The following CD8B variants were observed in gnomAD, a reference collection of about 807,000 sequenced individuals.
CD8B encodes the protein T-cell surface glycoprotein CD8 beta chain.
CD8B carries 6 observed loss-of-function variants against 24.2 expected under a neutral mutation model. That is an observed-to-expected ratio of 0.25 (90% CI 0.14 to 0.49). CD8B has a LOEUF of 0.49. Ranked by LOEUF, CD8B falls within the 20% of genes least tolerant of loss-of-function variation. The pLI is 0.98. For synonymous variants in CD8B, 84 were observed against 108.3 expected (o/e 0.78, Z 1.39); for missense variants, 196 against 271.3 (o/e 0.72, Z 1.95).
rs1473494416 is a variant in CD8B, at chr2:86,840,809, C to T, written c.*1498G>A. On this transcript the variant is annotated 3_prime_UTR_variant, in exon 6 of 6. Transcript: ENST00000390655. ...ACACTGCATCTATGCCTTTCTAACT[C>T]CACCCACCACACCTCATTCTGCTGC... is the stretch of plus-strand genomic sequence containing the variant. 6.6e-6 allele frequency among the ~76,000 whole-genome samples: 1 copy of T among 152,162 alleles called. No homozygotes were observed. The highest frequency in any genetic ancestry group is 2.4e-5 in the African/African-American group (1 of 41,454).
intron 3 of CD8B, among the ~76,000 whole-genome samples, chr2:86,852,624 C>A (rs985441532): frequency 4.6e-5 from 7 of 151,898 alleles, no homozygotes; most frequent in African/African-American, 1.7e-4. Context: ...TCATTTTATT[C>A]TTTATTATGG....
intron 5 of CD8B, among the ~76,000 whole-genome samples, chr2:86,826,218 C>A (rs1173952503): frequency 6.6e-6 from 1 of 151,954 alleles, no homozygotes; most frequent in Non-Finnish European, 1.5e-5. Flanking sequence ...TCCATCTGGG[C>A]CACAGGGGTG....
intron 1 of CD8B, among the ~76,000 whole-genome samples, chr2:86,861,069 A>G (rs1456484086): frequency 1.3e-5 from 2 of 152,194 alleles, no homozygotes; most frequent in Non-Finnish European, 2.9e-5. Context: ...TCACTGGGCC[A>G]GAACCCCCGG....
downstream of CD8B, among the ~76,000 whole-genome samples, chr2:86,837,618 G>A (rs1558754279): frequency 6.8e-6 from 1 of 146,902 alleles, no homozygotes; most frequent in Non-Finnish European, 1.5e-5. Context: ...ACGCGGGGTC[G>A]GGGATCACTT....
In CD8B at chr2:86,842,269, G is replaced by A. The variant is rs1440279874; in HGVS notation, c.*38C>T. On this transcript the variant is annotated 3_prime_UTR_variant, in exon 6 of 6. Coordinates refer to ENST00000390655, the MANE Select transcript of CD8B (RefSeq NM_004931.5). ...CACATCGTGCTCGTTACTGACCGATGTCTTTTTGTAGCAGGACACCAAAAC... is the reference window on the plus strand; with the variant it reads ...CACATCGTGCTCGTTACTGACCGATATCTTTTTGTAGCAGGACACCAAAAC... The A allele has an allele frequency of 1.9e-6, 3 of 1,577,684 alleles. No individual in the cohort carries two copies. The African/African-American group carries it at 4.1e-5, about 21-fold the overall frequency.
At chr2:86,831,706 T>C (rs376751405) in intron 5 of CD8B, among the ~76,000 whole-genome samples, 1 of 152,130 alleles carries the variant, frequency 6.6e-6, no homozygotes, top group South Asian at 2.1e-4. Flanking sequence ...GTAATGAAGC[T>C]GTGGGATCAC....
rs1389224088 is a variant in CD8B, at chr2:86,842,023, C to T, written c.*284G>A. The T allele has an allele frequency of 3.5e-5, 41 of 1,181,258 alleles. No individual in the cohort carries two copies. Among genetic ancestry groups the T allele is most frequent in the Non-Finnish European group, 3.7e-5 (35 of 952,956 alleles). 73.2% of individuals were successfully genotyped at this position (1,181,258 alleles called of 1,614,324 possible). A position where few individuals can be genotyped will look rare whatever the true frequency, so the allele number is the denominator to read the frequency against. On this transcript the variant is annotated 3_prime_UTR_variant, in exon 6 of 6. Transcript: ENST00000390655. ...CCCAGTTCAGGGAAAGCACAGGAGC[C>T]GGAAGCGGTGGCATGGGCAGCATTT... is the stretch of plus-strand genomic sequence containing the variant.
exon 6 of CD8B, chr2:86,815,636 G>C: frequency 6.2e-7 from 1 of 1,612,400 alleles, no homozygotes; most frequent in Non-Finnish European, 8.5e-7. Flanking sequence ...GGGTTAAGCA[G>C]CTTCTGTGAG....
intron 5 of CD8B, among the ~76,000 whole-genome samples, chr2:86,828,533 T>A (rs562045480): frequency 1.9e-4 from 29 of 152,142 alleles, no homozygotes; most frequent in Non-Finnish European, 3.7e-4. Context: ...GCCCTTTGAG[T>A]GGCTCTGGCC....
At chr2:86,842,695 A>T (rs1438680208) in intron 5 of CD8B, among the ~76,000 whole-genome samples, 1 of 152,210 alleles carries the variant, frequency 6.6e-6, no homozygotes, top group Non-Finnish European at 1.5e-5. Context: ...CGCAACTCAG[A>T]TCTGTGAGCA....
intron 2 of CD8B, among the ~76,000 whole-genome samples, chr2:86,853,538 C>T (rs6722860): frequency 0.51 from 78,052 of 151,648 alleles, 20,597 homozygotes; most frequent in East Asian, 0.66. Context: ...GCTTGAAGGT[C>T]ACAGAGCAAT....
intron 4 of CD8B, among the ~76,000 whole-genome samples, chr2:86,845,881 C>T (rs893093394): frequency 1.8e-4 from 28 of 152,074 alleles, no homozygotes; most frequent in African/African-American, 1.4e-4. Context: ...GGGAGAGGTC[C>T]GTTATTTTCA....
At chr2:86,821,709 T>G in intron 5 of CD8B, 1 of 437,264 alleles carries the variant, frequency 2.3e-6, no homozygotes, top group Non-Finnish European at 4.7e-6. Context: ...CTTCCCTAGG[T>G]GAACGCCTTC....
rs545567326 is a variant in CD8B at position 86,842,041 on chromosome 2, C to A, written c.*266G>T. The A allele has an allele frequency of 1.6e-6, 2 of 1,225,548 alleles. No individual in the cohort carries two copies. Among genetic ancestry groups the A allele is most frequent in the Admixed American group, 8.7e-5 (2 of 23,070 alleles). The allele number at this position is 1,225,548 out of a possible 1,614,324, so 75.9% of individuals were successfully genotyped here. A position where few individuals can be genotyped will look rare whatever the true frequency, so the allele number is the denominator to read the frequency against. ...CAGGAGCCGGAAGCGGTGGCATGGG[C>A]AGCATTTCTTACTCAGTCCTCCAGC... On this transcript the variant is annotated 3_prime_UTR_variant, in exon 6 of 6. Transcript: ENST00000390655.
At chr2:86,833,939 G>A (rs1217071791), downstream of CD8B, among the ~76,000 whole-genome samples, 3 of 151,998 alleles carry the variant, frequency 2.0e-5, no homozygotes, top group Non-Finnish European at 4.4e-5. Context: ...GTGAGCCACC[G>A]TGCCCGGCCA....
chr2:86,838,050 C>T (rs6740214), downstream of CD8B, among the ~76,000 whole-genome samples: 289 of 152,308 alleles, frequency 1.9e-3, 1 homozygote, highest in African/African-American at 6.2e-3. Context: ...CTGGCCACCT[C>T]GGACCTGCCT....
Position 86,839,569 on chromosome 2 carries a change from T to C in CD8B, c.*2738A>G, listed in dbSNP as rs542207821. Among the ~76,000 whole-genome samples, 221 of 152,330 alleles carry C rather than the reference T, an allele frequency of 1.5e-3. No individual in the cohort carries two copies. Among genetic ancestry groups the C allele is most frequent in the African/African-American group, 5.1e-3 (212 of 41,584 alleles). ...GACCTTCTCACCGCAGCCCCCACCA[T>C]TGGCAGCCCAGCCTGCTCCAGCTCC... On this transcript the variant is annotated 3_prime_UTR_variant, in exon 6 of 6. Coordinates refer to ENST00000390655, the MANE Select transcript of CD8B (RefSeq NM_004931.5).
chr2:86,842,126 A>G lies in CD8B; in HGVS notation c.*181T>C. The G allele has an allele frequency of 2.8e-6, 4 of 1,437,026 alleles. No individual in the cohort carries two copies. The highest frequency in any genetic ancestry group is 3.7e-6 in the Non-Finnish European group (4 of 1,092,492). 89.0% of individuals were successfully genotyped at this position (1,437,026 alleles called of 1,614,324 possible). On this transcript the variant is annotated 3_prime_UTR_variant, in exon 6 of 6. Coordinates refer to ENST00000390655, the MANE Select transcript of CD8B (RefSeq NM_004931.5). ...TTCTCCCTAGTATTCCCGATGACCCACGAACAAGTTGCTCCCATGCACATC... is the reference window on the plus strand; with the variant it reads ...TTCTCCCTAGTATTCCCGATGACCCGCGAACAAGTTGCTCCCATGCACATC...
chr2:86,853,663 G>A (rs1472751569), intron 2 of CD8B, among the ~76,000 whole-genome samples: 2 of 151,976 alleles, frequency 1.3e-5, no homozygotes, highest in African/African-American at 4.8e-5. Context: ...ACACAGAACT[G>A]AGCAGAGCCT....
Sources: allele counts gnomAD v4.1 joint callset (sites outside exome capture counted in the v4.1 genomes callset), GRCh38; gene constraint gnomAD v4.1.1; transcripts MANE v1.5; gene names NCBI Gene and HGNC (gene_info 2026-07-23, HGNC 2026-07-21).